The following PRKG2 variants were observed in gnomAD, a reference collection of about 807,000 sequenced individuals.
The protein encoded by PRKG2 is cGMP-dependent protein kinase 2.
In PRKG2, 33 loss-of-function variants were observed where a neutral mutation model predicts 97.2. The observed-to-expected ratio is 0.34, with a 90% CI of 0.26 to 0.45. The LOEUF is 0.45. Among genes scored for constraint, PRKG2 ranks in the 20% least tolerant of loss-of-function variants. The pLI is 1.00. For missense variants in PRKG2, 638 were observed against 900.0 expected, an observed-to-expected ratio of 0.71 and a Z score of 3.73; for synonymous variants, 330 against 321.8, an observed-to-expected ratio of 1.03 and a Z score of -0.27.
chr4:81,154,768 A>G (rs556728689), intron 6 of PRKG2, among the ~76,000 whole-genome samples: 1 of 152,360 alleles, frequency 6.6e-6, no homozygotes, highest in Non-Finnish European at 1.5e-5. Context: ...AGCTGGACGG[A>G]GAATGACTTT....
intron 14 of PRKG2, among the ~76,000 whole-genome samples, chr4:81,127,292 A>G (rs989707780): frequency 8.5e-5 from 13 of 152,218 alleles, no homozygotes; most frequent in African/African-American, 3.1e-4. Context: ...GTTTGAAGTC[A>G]GGTAGCATGA....
intron 5 of PRKG2, among the ~76,000 whole-genome samples, chr4:81,168,132 T>A (rs1307825642): frequency 6.6e-6 from 1 of 152,110 alleles, no homozygotes; most frequent in Middle Eastern, 3.2e-3. Flanking sequence ...TCATCAGAAC[T>A]TGTTATTAAC....
intron 17 of PRKG2, among the ~76,000 whole-genome samples, chr4:81,101,896 AG>A (rs1215656289): frequency 2.0e-5 from 3 of 152,162 alleles, no homozygotes; most frequent in Non-Finnish European, 4.4e-5. Context: ...TACTGAGTAG[AG>A]AAGCTACGCA....
intron 1 of PRKG2, among the ~76,000 whole-genome samples, chr4:81,214,081 G>C (rs1431909267): frequency 1.4e-5 from 2 of 145,226 alleles, no homozygotes; most frequent in Non-Finnish European, 3.0e-5. Flanking sequence ...GCAAAGAAAA[G>C]AGACAATTTC....
At chr4:81,197,328 G>T (rs1753023151) in intron 2 of PRKG2, among the ~76,000 whole-genome samples, 2 of 152,212 alleles carry the variant, frequency 1.3e-5, no homozygotes, top group Non-Finnish European at 2.9e-5. Flanking sequence ...AAATGTAAGG[G>T]AGAAGAGGTG....
At chr4:81,140,229 T>C (rs1747139606) in intron 12 of PRKG2, among the ~76,000 whole-genome samples, 1 of 152,068 alleles carries the variant, frequency 6.6e-6, no homozygotes, top group Non-Finnish European at 1.5e-5. Flanking sequence ...GAATAAGATC[T>C]AGCAATTGAT....
In PRKG2 at chr4:81,169,766, T is replaced by C. The variant is rs1750299044; in HGVS notation, c.745A>G (p.Ile249Val). ...AGTGCCCATGTTTTAACATTGGTAA[T>C]AGCTTTAGAAAATTCAAGAAAACAA... ...NCTRTASVKA[I>V]TNVKTWALDR... The change falls in exon 5 of 19, where the codon ATT (isoleucine) becomes GTT (valine). Residue 249 changes from isoleucine (I) to valine (V), a missense_variant and splice_region_variant. By Grantham distance (29) the Ile-to-Val change is conservative. This residue lies in a region of PRKG2 where 332 missense variants were observed against 421.7 expected (regional missense o/e 0.79). Transcript: ENST00000264399. 2 of 1,590,666 alleles carry C rather than the reference T, an allele frequency of 1.3e-6. No individual in the cohort carries two copies. The highest frequency in any genetic ancestry group is 1.7e-6 in the Non-Finnish European group (2 of 1,166,320).
chr4:81,185,477 G>A (rs1488471951), intron 2 of PRKG2, among the ~76,000 whole-genome samples: 1 of 152,132 alleles, frequency 6.6e-6, no homozygotes, highest in African/African-American at 2.4e-5. Context: ...CCTGAAGGAA[G>A]CACTAAATAT....
chr4:81,117,700 C>A (rs941693131), intron 14 of PRKG2, among the ~76,000 whole-genome samples: 1 of 152,136 alleles, frequency 6.6e-6, no homozygotes, highest in Non-Finnish European at 1.5e-5. Context: ...TTTTTTAGAG[C>A]AATCAGTGAA....
intron 6 of PRKG2, among the ~76,000 whole-genome samples, chr4:81,161,213 T>G (rs1578446226): frequency 6.6e-6 from 1 of 152,188 alleles, no homozygotes; most frequent in African/African-American, 2.4e-5. Context: ...TATGTCAATA[T>G]CTCATGGAAG....
At chr4:81,194,318 C>T (rs1752801235) in intron 2 of PRKG2, among the ~76,000 whole-genome samples, 1 of 151,750 alleles carries the variant, frequency 6.6e-6, no homozygotes, top group South Asian at 2.1e-4. Flanking sequence ...GTCAGTCACC[C>T]TAATAAACAA....
At chr4:81,183,407 A>G (rs896457166) in intron 2 of PRKG2, among the ~76,000 whole-genome samples, 11 of 152,096 alleles carry the variant, frequency 7.2e-5, no homozygotes, top group Non-Finnish European at 1.5e-4. Flanking sequence ...TCCCTCCCCT[A>G]GCCAAGGGAA....
chr4:81,195,310 C>A (rs1180843263), intron 2 of PRKG2, among the ~76,000 whole-genome samples: 3 of 152,166 alleles, frequency 2.0e-5, no homozygotes, highest in Non-Finnish European at 4.4e-5. Context: ...AGCATTCTGT[C>A]TGGAACCTGA....
intron 12 of PRKG2, among the ~76,000 whole-genome samples, chr4:81,139,019 A>G (rs1006473147): frequency 2.0e-5 from 3 of 152,192 alleles, no homozygotes; most frequent in Non-Finnish European, 4.4e-5. Flanking sequence ...GATATTTTAC[A>G]TTACCCAGAA....
rs771800554 is a variant in PRKG2 at position 81,089,617 on chromosome 4, T to C, written c.*91A>G. ...TTCCCTAATGGTCTTCCAAAGATAT[T>C]ATAATACTCTGAAAAGAAAATAATG... On this transcript the variant is annotated 3_prime_UTR_variant, in exon 19 of 19. Coordinates refer to ENST00000264399, the MANE Select transcript of PRKG2 (RefSeq NM_006259.3). The C allele has an allele frequency of 2.6e-4, 249 of 968,836 alleles. No individual in the cohort carries two copies. The highest frequency in any genetic ancestry group is 3.6e-4 in the Non-Finnish European group (232 of 643,416). The allele number at this position is 968,836 out of a possible 1,614,324, so 60.0% of individuals were successfully genotyped here.
intron 6 of PRKG2, among the ~76,000 whole-genome samples, chr4:81,160,089 C>T (rs1433302748): frequency 3.3e-5 from 5 of 151,290 alleles, no homozygotes; most frequent in African/African-American, 9.7e-5. Flanking sequence ...TGCACATGTA[C>T]CCTAAAACTT....
intron 17 of PRKG2, 132 bp downstream of exon 17, chr4:81,104,238 A>G: frequency 2.3e-6 from 1 of 437,396 alleles, no homozygotes; most frequent in Non-Finnish European, 4.0e-6. Context: ...CACAGATAAA[A>G]AGCAAAGCAC....
intron 14 of PRKG2, among the ~76,000 whole-genome samples, chr4:81,125,723 T>C (rs1745484928): frequency 1.3e-5 from 2 of 152,222 alleles, no homozygotes; most frequent in South Asian, 2.1e-4. Flanking sequence ...AATTTCTTTT[T>C]CTACTAGAAA....
Position 81,158,604 on chromosome 4 carries a change from C to G in PRKG2, c.913-4883G>C, listed in dbSNP as rs1482567046. Among the ~76,000 whole-genome samples, 7 of 152,044 alleles carry G rather than the reference C, an allele frequency of 4.6e-5. No homozygotes were observed. The East Asian group carries it at 7.7e-4, about 17-fold the overall frequency. On this transcript the variant is annotated intron_variant, in intron 6 of 18. Coordinates refer to ENST00000264399, the MANE Select transcript of PRKG2 (RefSeq NM_006259.3). ...CAGATTTGGAAAAAACTACTTTAAA[C>G]TTCATATGGAACCAAAAAAGAGCCC...
Sources: gnomAD v4.1 joint callset for allele counts (sites outside exome capture counted in the v4.1 genomes callset) on GRCh38, gnomAD v4.1.1 for gene constraint, gnomAD v4.1.1 regional missense constraint, MANE v1.5 for transcripts, NCBI Gene and HGNC (gene_info 2026-07-23, HGNC 2026-07-21) for gene names.